Variants in MGST3 observed in about 807,000 individuals in gnomAD.
MGST3 encodes the protein glutathione S-transferase 3, mitochondrial.
A neutral mutation model predicts 15.8 loss-of-function variants in MGST3; 13 were observed. The observed-to-expected ratio is 0.82, with a 90% confidence interval of 0.54 to 1.31. The LOEUF is 1.31. Ranked by LOEUF, MGST3 falls within the 50% of genes most tolerant of loss-of-function variation. The pLI, the probability that MGST3 is intolerant of heterozygous loss-of-function variation, is 0.00. For synonymous variants in MGST3, 49 were observed against 68.1 expected (o/e 0.72, Z 1.38); for missense variants, 155 against 192.4 (o/e 0.81, Z 1.15).
chr1:165,653,843 G>A, intron 4 of MGST3: 1 of 265,898 alleles, frequency 3.8e-6, no homozygotes, highest in South Asian at 4.3e-5. Context: ...ACATAGAACA[G>A]CAGCTGAGTC....
In MGST3 at chr1:165,643,795, G is replaced by C. The variant is rs570862668; in HGVS notation, c.-7-6046G>C. On this transcript the variant is annotated intron_variant, in intron 1 of 5. Transcript: ENST00000367889. ...AGGCATGAGAATTGATTGAATCTGG[G>C]AGGCAGAGGTTGCAGTTAGCTGAGA... Among the ~76,000 whole-genome samples, 249 of 152,202 alleles carry C rather than the reference G, an allele frequency of 1.6e-3. 2 individuals are homozygous for C. The highest frequency in any genetic ancestry group is 5.3e-3 in the African/African-American group (222 of 41,544).
chr1:165,642,116 G>T (rs1168992836), intron 1 of MGST3, among the ~76,000 whole-genome samples: 1 of 152,134 alleles, frequency 6.6e-6, no homozygotes, highest in African/African-American at 2.4e-5. Context: ...TTATTGCTAG[G>T]AAGGGAAAAA....
At chr1:165,635,532 C>T (rs1648085576) in intron 1 of MGST3, among the ~76,000 whole-genome samples, 1 of 152,166 alleles carries the variant, frequency 6.6e-6, no homozygotes, top group Admixed American at 6.5e-5. Flanking sequence ...GGAACTTGAG[C>T]ATCCTGCTGA....
At chr1:165,649,650 TTGAG>T in intron 1 of MGST3, 187 bp from the exon 2 acceptor site, 2 of 626,866 alleles carry the variant, frequency 3.2e-6, no homozygotes, top group Non-Finnish European at 5.5e-6. Flanking sequence ...GACTGCATAG[TTGAG>T]TAATTTTTAA....
chr1:165,651,634 G>T, intron 3 of MGST3: 1 of 323,658 alleles, frequency 3.1e-6, no homozygotes, highest in Non-Finnish European at 5.9e-6. Flanking sequence ...TGGGTGAGGT[G>T]GGCTCACACC....
chr1:165,636,038 T>G (rs1339898652), intron 1 of MGST3, among the ~76,000 whole-genome samples: 1 of 152,236 alleles, frequency 6.6e-6, no homozygotes, highest in East Asian at 1.9e-4. Context: ...TAAATCTGGC[T>G]GTCATGAAGG....
At chr1:165,638,778 G>A (rs1648183472) in intron 1 of MGST3, among the ~76,000 whole-genome samples, 1 of 142,116 alleles carries the variant, frequency 7.0e-6, no homozygotes, top group African/African-American at 2.6e-5. Flanking sequence ...CTGTGGGACA[G>A]AGAGAGACTC....
At chr1:165,637,520 A>T (rs1278239415) in intron 1 of MGST3, among the ~76,000 whole-genome samples, 4 of 152,200 alleles carry the variant, frequency 2.6e-5, no homozygotes, top group Non-Finnish European at 5.9e-5. Context: ...TTTGGGAAGT[A>T]GTGAAGGAGA....
chr1:165,648,919 T>A (rs961242101), intron 1 of MGST3: 2 of 152,222 alleles, frequency 1.3e-5, no homozygotes, highest in Admixed American at 1.3e-4. Flanking sequence ...ATTTACCATC[T>A]TGTTGGTTGG....
intron 4 of MGST3, chr1:165,654,065 C>T (rs1648635441): frequency 5.4e-6 from 3 of 553,616 alleles, no homozygotes; most frequent in Non-Finnish European, 3.3e-6. Flanking sequence ...TACTCATCTC[C>T]CAGGTCCACA....
At chr1:165,653,226 G>T (rs1292761667) in intron 4 of MGST3, among the ~76,000 whole-genome samples, 1 of 152,060 alleles carries the variant, frequency 6.6e-6, no homozygotes, top group East Asian at 1.9e-4. Context: ...AATAGCTCAG[G>T]TCTCTAGATT....
intron 1 of MGST3, among the ~76,000 whole-genome samples, chr1:165,636,228 G>A (rs912885060): frequency 2.6e-5 from 4 of 151,990 alleles, no homozygotes; most frequent in Non-Finnish European, 2.9e-5. Flanking sequence ...TCATTTTGAG[G>A]TGGGGTTTCA....
At chr1:165,639,279 C>T (rs1236467105) in intron 1 of MGST3, among the ~76,000 whole-genome samples, 1 of 152,112 alleles carries the variant, frequency 6.6e-6, no homozygotes, top group African/African-American at 2.4e-5. Context: ...AGGGACAAAC[C>T]CAGTAGTGTG....
intron 3 of MGST3, 78 bp downstream of exon 3, chr1:165,651,165 G>A (rs1648544952): frequency 5.1e-6 from 6 of 1,176,604 alleles, no homozygotes; most frequent in Admixed American, 1.7e-5. Context: ...CCCTTAGTGC[G>A]CTGTATTTGC....
chr1:165,650,028 ACTTATTTTCAGC>A, intron 2 of MGST3, 64 bp downstream of exon 2: 1 of 1,608,184 alleles, frequency 6.2e-7, no homozygotes, highest in Non-Finnish European at 8.5e-7. Context: ...TTAGCCAAGA[ACTTATTTTCAGC>A]CATGGAGGGA....
chr1:165,642,777 A>G lies in MGST3; in HGVS notation c.-7-7064A>G, dbSNP rs548499594. Among the ~76,000 whole-genome samples, 3 of 152,312 alleles carry G rather than the reference A, an allele frequency of 2.0e-5. No individual in the cohort carries two copies. In the East Asian group the frequency reaches 5.8e-4, roughly 29 times the overall value. ...GGTGTTAAGTAATATTCCCAAGGAC[A>G]CTCAACTAGGAAATATGAGAACCAG... On this transcript the variant is annotated intron_variant, in intron 1 of 5. Coordinates refer to ENST00000367889, the MANE Select transcript of MGST3 (RefSeq NM_004528.4).
intron 4 of MGST3, chr1:165,653,945 G>A (rs1034676274): frequency 1.1e-5 from 4 of 367,848 alleles, no homozygotes; most frequent in Non-Finnish European, 2.1e-5. Flanking sequence ...GGCCTGCCCT[G>A]AGACCGGCTG....
At chr1:165,650,917 A>T (rs1028319558) in intron 2 of MGST3, 97 bp from the exon 3 acceptor site, 4 of 1,031,416 alleles carry the variant, frequency 3.9e-6, no homozygotes, top group African/African-American at 1.6e-5. Flanking sequence ...GTGTGAAAGA[A>T]GATACTTTGG....
rs746624035 is a variant in MGST3, at chr1:165,649,886, A to G, written c.39A>G (p.Leu13=). ...CTAAGGAATATGGTTTTGTGCTTCT[A>G]ACTGGTGCTGCCAGCTTTATAATGG... ...VLSKEYGFVL[L]TGAASFIMVA... Residue 13 remains leucine (L), a synonymous_variant, in exon 2 of 6, where the codon CTA becomes CTG. Coordinates refer to ENST00000367889, the MANE Select transcript of MGST3 (RefSeq NM_004528.4). 1 of 1,614,160 alleles carries G rather than the reference A, an allele frequency of 6.2e-7. No homozygotes were observed. The highest frequency in any genetic ancestry group is 8.5e-7 in the Non-Finnish European group (1 of 1,180,034).
Sources: gnomAD v4.1 joint callset for allele counts (sites outside exome capture counted in the v4.1 genomes callset) on GRCh38, gnomAD v4.1.1 for gene constraint, MANE v1.5 for transcripts, NCBI Gene and HGNC (gene_info 2026-07-23, HGNC 2026-07-21) for gene names.